RAPGEF1: variants seen among roughly 807,000 people sequenced by gnomAD.
The protein encoded by RAPGEF1 is Rap guanine nucleotide exchange factor 1, also known as CRK SH3-binding GNRP.
Under a neutral mutation model 143.3 loss-of-function variants are expected in RAPGEF1, and 33 were observed. The observed-to-expected ratio is 0.23, with a 90% confidence interval of 0.17 to 0.31. The LOEUF (loss-of-function observed/expected upper bound fraction) is 0.31. Ranked by LOEUF, RAPGEF1 falls within the 10% of genes least tolerant of loss-of-function variation. The pLI is 1.00. For missense variants in RAPGEF1, 1,199 were observed against 1,645.4 expected (o/e 0.73, Z 4.69); for synonymous variants, 629 against 676.5 (o/e 0.93, Z 1.09).
At chr9:131,723,384 G>C (rs199877346) in intron 1 of RAPGEF1, among the ~76,000 whole-genome samples, 63 of 152,220 alleles carry the variant, frequency 4.1e-4, no homozygotes, top group African/African-American at 1.4e-3. Flanking sequence ...ATCACCAGCA[G>C]CCATCTCCAT....
Position 131,587,729 on chromosome 9 carries a change from C to T in RAPGEF1, c.3233+7G>A. The T allele has an allele frequency of 3.7e-6, 6 of 1,612,436 alleles. No homozygotes were observed. The highest frequency in any genetic ancestry group is 5.1e-6 in the Non-Finnish European group (6 of 1,179,290). On this transcript the variant is annotated splice_region_variant and intron_variant, in intron 22 of 26. Transcript: ENST00000683357. Reference sequence around the variant, plus strand: ...AGCAACAGGGCTTGGCGCTGGGCCTCTCTTACCAGTAGGACATGTTGTTGA... The same window carrying T: ...AGCAACAGGGCTTGGCGCTGGGCCTTTCTTACCAGTAGGACATGTTGTTGA...
Position 131,584,675 on chromosome 9 carries a change from C to G in RAPGEF1, c.3234-79G>C, listed in dbSNP as rs1952425330. ...CCAGGGGTCCTGGTGGAGACAGGAC[C>G]TGTACGACCCCCATGCCAGTGGCCA... On this transcript the variant is annotated intron_variant, in intron 22 of 26. Coordinates refer to ENST00000683357, the MANE Select transcript of RAPGEF1 (RefSeq NM_001377935.1). This position sits in a 1 kb window ranked among gnomAD's most constrained non-coding sequence, Gnocchi z 6.8. The G allele has an allele frequency of 5.6e-6, 8 of 1,430,646 alleles. No homozygotes were observed. The South Asian group carries it at 9.2e-5, about 16-fold the overall frequency. 88.6% of individuals were successfully genotyped at this position (1,430,646 alleles called of 1,614,324 possible).
At chr9:131,701,964 C>T (rs1237088253) in intron 1 of RAPGEF1, among the ~76,000 whole-genome samples, 2 of 152,222 alleles carry the variant, frequency 1.3e-5, no homozygotes, top group Non-Finnish European at 2.9e-5. Flanking sequence ...CCCAATATGG[C>T]CTCTAACCTC....
chr9:131,641,338 C>T lies in RAPGEF1; in HGVS notation c.494+1901G>A, dbSNP rs1031048386. Among the ~76,000 whole-genome samples, 3 of 152,132 alleles carry T rather than the reference C, an allele frequency of 2.0e-5. No individual in the cohort carries two copies. The highest frequency in any genetic ancestry group is 2.9e-5 in the Non-Finnish European group (2 of 68,002). The stretch of plus-strand genomic sequence containing the variant: ...CTCTGCCCATGACTGCCCGAGTCGC[C>T]GCCCTCCCCTCCCCGGGATACACCA... On this transcript the variant is annotated intron_variant, in intron 4 of 26. Coordinates refer to ENST00000683357, the MANE Select transcript of RAPGEF1 (RefSeq NM_001377935.1). The surrounding 1 kb of genome is among the most constrained non-coding windows in gnomAD (Gnocchi z 4.6).
In RAPGEF1 at chr9:131,579,448, G is replaced by T. The variant is rs1951521534; in HGVS notation, c.*49C>A. On this transcript the variant is annotated 3_prime_UTR_variant, in exon 27 of 27. Coordinates refer to ENST00000683357, the MANE Select transcript of RAPGEF1 (RefSeq NM_001377935.1). ...GTCCAAGGTCCTCTCCGGTCTGGGA[G>T]CTGCCCTCTGCGCCCCTCGAGCATT... The T allele has an allele frequency of 1.3e-6, 2 of 1,599,710 alleles. No homozygotes were observed. Among genetic ancestry groups the T allele is most frequent in the South Asian group, 1.1e-5 (1 of 89,290 alleles).
chr9:131,614,778 C>G (rs1476661230), intron 12 of RAPGEF1, among the ~76,000 whole-genome samples: 2 of 151,980 alleles, frequency 1.3e-5, no homozygotes, highest in Admixed American at 6.6e-5. Context: ...TCTGCAGACC[C>G]TTTTAAAAAA....
At chr9:131,734,507 G>A (rs1427354419) in intron 1 of RAPGEF1, among the ~76,000 whole-genome samples, 1 of 152,196 alleles carries the variant, frequency 6.6e-6, no homozygotes, top group Non-Finnish European at 1.5e-5. Context: ...TGCCAACAAG[G>A]AGGCACTCAG....
rs913919993 is a variant in RAPGEF1 at position 131,619,321 on chromosome 9, G to C, written c.1906-115C>G. The C allele has an allele frequency of 7.6e-6, 7 of 926,976 alleles. No individual in the cohort carries two copies. In the Admixed American group the frequency reaches 1.2e-4, roughly 16 times the overall value. 57.4% of individuals were successfully genotyped at this position (926,976 alleles called of 1,614,324 possible). A position where few individuals can be genotyped will look rare whatever the true frequency, so the allele number is the denominator to read the frequency against. The stretch of plus-strand genomic sequence containing the variant: ...TTGCTCTCCACATCCTCTAACAGAC[G>C]TTCTGGAGAGGGATGGCTTCTGGGC... On this transcript the variant is annotated intron_variant, in intron 11 of 26. Coordinates refer to ENST00000683357, the MANE Select transcript of RAPGEF1 (RefSeq NM_001377935.1).
intron 1 of RAPGEF1, among the ~76,000 whole-genome samples, chr9:131,715,292 A>G (rs1835783480): frequency 6.6e-6 from 1 of 152,162 alleles, no homozygotes; most frequent in South Asian, 2.1e-4. Flanking sequence ...ACGCATGTCT[A>G]GCAGGGCGAC....
chr9:131,676,093 G>A (rs74970319), intron 1 of RAPGEF1, among the ~76,000 whole-genome samples: 3,699 of 152,168 alleles, frequency 0.024, 156 homozygotes, highest in African/African-American at 0.084. Context: ...TCCTTAAGTG[G>A]AGCCAGTGGC....
At chr9:131,602,875 G>A (rs1462750197) in intron 14 of RAPGEF1, among the ~76,000 whole-genome samples, 1 of 152,234 alleles carries the variant, frequency 6.6e-6, no homozygotes, top group Non-Finnish European at 1.5e-5. Context: ...ATGGAGAACT[G>A]GGGCAGGACA....
chr9:131,607,101 T>C (rs1394648904), intron 12 of RAPGEF1, among the ~76,000 whole-genome samples: 1 of 152,226 alleles, frequency 6.6e-6, no homozygotes, highest in Non-Finnish European at 1.5e-5. Flanking sequence ...ACCAGATCCA[T>C]GACATCTGCC....
chr9:131,688,790 C>T (rs921808453), intron 1 of RAPGEF1, among the ~76,000 whole-genome samples: 7 of 152,126 alleles, frequency 4.6e-5, no homozygotes, highest in African/African-American at 1.2e-4. Context: ...CCCAGCTACT[C>T]GGAAGGCTGA....
At chr9:131,729,203 T>C (rs1836863372) in intron 1 of RAPGEF1, among the ~76,000 whole-genome samples, 2 of 152,032 alleles carry the variant, frequency 1.3e-5, no homozygotes, top group Middle Eastern at 3.2e-3. Flanking sequence ...CGGATGAGGG[T>C]GTGAGAGCCA....
chr9:131,655,572 A>C lies in RAPGEF1; in HGVS notation c.62-4623T>G, dbSNP rs1972224419. On this transcript the variant is annotated intron_variant, in intron 1 of 26. Coordinates refer to ENST00000683357, the MANE Select transcript of RAPGEF1 (RefSeq NM_001377935.1). The surrounding 1 kb of genome is among the most constrained non-coding windows in gnomAD (Gnocchi z 4.1). ...ACTTCAACATGGATGTGAACAGTCT[A>C]ATCCTTCATGTGATGCTTAAGAGGG... Among the ~76,000 whole-genome samples, 1 of 152,130 alleles carries C rather than the reference A, an allele frequency of 6.6e-6. No homozygotes were observed. Among genetic ancestry groups the C allele is most frequent in the Non-Finnish European group, 1.5e-5 (1 of 68,022 alleles).
At chr9:131,725,829 G>A (rs953700864) in intron 1 of RAPGEF1, among the ~76,000 whole-genome samples, 1 of 150,128 alleles carries the variant, frequency 6.7e-6, no homozygotes, top group Non-Finnish European at 1.5e-5. Flanking sequence ...CGTGATCTCG[G>A]CTCACTGCAA....
rs202232900 is a variant in RAPGEF1, at chr9:131,598,271, C to T, written c.2541G>A (p.Ser847=). ...GGGACAGCTCGTCCACTTCCTCCTCCGACTGAGCCGACTCCAGAGCATCTG... is the reference window on the plus strand; with the variant it reads ...GGGACAGCTCGTCCACTTCCTCCTCTGACTGAGCCGACTCCAGAGCATCTG... ...KSPDALESAQ[S]EEEVDELSLI... is the part of the protein sequence containing the mutation. Residue 847 remains serine, a synonymous_variant, in exon 16 of 27, where the codon TCG becomes TCA. Coordinates refer to ENST00000683357, the MANE Select transcript of RAPGEF1 (RefSeq NM_001377935.1). 17 of 1,614,006 alleles carry T rather than the reference C, an allele frequency of 1.1e-5. 1 individual carries two copies. Among genetic ancestry groups the T allele is most frequent in the Middle Eastern group, 3.3e-4 (2 of 6,062 alleles).
At chr9:131,659,036 G>A (rs908329364) in intron 1 of RAPGEF1, among the ~76,000 whole-genome samples, 3 of 152,242 alleles carry the variant, frequency 2.0e-5, no homozygotes, top group Non-Finnish European at 4.4e-5. Context: ...AGCCAATCTT[G>A]AGAAACGCTG....
intron 12 of RAPGEF1, among the ~76,000 whole-genome samples, chr9:131,615,364 GCA>G (rs1244706160): frequency 6.6e-6 from 1 of 152,186 alleles, no homozygotes; most frequent in Non-Finnish European, 1.5e-5. Context: ...GTGAGCCACT[GCA>G]CCCAGCCGGA....
Sources: gnomAD v4.1 joint callset for allele counts (sites outside exome capture counted in the v4.1 genomes callset) on GRCh38, gnomAD v4.1.1 for gene constraint, Gnocchi (gnomAD v3.1) non-coding constraint, MANE v1.5 for transcripts, NCBI Gene and HGNC (gene_info 2026-07-23, HGNC 2026-07-21) for gene names.